The following BAIAP2L1 variants were observed in gnomAD, a reference collection of about 807,000 sequenced individuals.
The protein encoded by BAIAP2L1 is BAR/IMD domain containing adaptor protein 2 like 1.
In BAIAP2L1, 35 loss-of-function variants were observed where a neutral mutation model predicts 66.3. The observed-to-expected ratio is 0.53, with a 90% CI of 0.40 to 0.70. The LOEUF (loss-of-function observed/expected upper bound fraction) is 0.70. Among genes scored for constraint, BAIAP2L1 ranks in the 30% least tolerant of loss-of-function variants. The probability of loss-of-function intolerance (pLI) is 0.00; values close to 1 mark genes in which losing one functional copy is unlikely to be tolerated. For synonymous variants in BAIAP2L1, 269 were observed against 248.7 expected (o/e 1.08, Z -0.77); for missense variants, 622 against 656.9 (o/e 0.95, Z 0.58).
At chr7:98,366,728 G>A (rs1227751930) in intron 1 of BAIAP2L1, among the ~76,000 whole-genome samples, 2 of 152,174 alleles carry the variant, frequency 1.3e-5, no homozygotes, top group South Asian at 4.1e-4. Flanking sequence ...GCAGTCAGGT[G>A]CTTGGCACCT....
intron 8 of BAIAP2L1, among the ~76,000 whole-genome samples, chr7:98,311,745 A>C (rs1309714012): frequency 4.0e-5 from 6 of 151,868 alleles, no homozygotes. Context: ...GTCTCTACTA[A>C]TAATACAAAA....
At chr7:98,357,046 TATA>T (rs540365131) in intron 2 of BAIAP2L1, among the ~76,000 whole-genome samples, 3 of 12,616 alleles carry the variant, frequency 2.4e-4, no homozygotes, top group African/African-American at 5.3e-4. Context: ...TATATATATA[TATA>T]TTTTTTTTTT....
At chr7:98,387,117 T>C (rs1054149121) in intron 1 of BAIAP2L1, among the ~76,000 whole-genome samples, 17 of 152,104 alleles carry the variant, frequency 1.1e-4, no homozygotes, top group Non-Finnish European at 1.5e-5. Flanking sequence ...AGTCCAAATA[T>C]TGAAGTTGTA....
In BAIAP2L1 at chr7:98,303,434, C is replaced by T. The variant is rs73147347; in HGVS notation, c.1422+762G>A. Among the ~76,000 whole-genome samples, 978 of 152,328 alleles carry T rather than the reference C, an allele frequency of 6.4e-3. 10 individuals carry two copies. The highest frequency in any genetic ancestry group is 0.01 in the Non-Finnish European group (698 of 68,026). On this transcript the variant is annotated intron_variant, in intron 12 of 13. Transcript: ENST00000005260. The stretch of plus-strand genomic sequence containing the variant: ...CGCACTAACCTCAGCCAACCCAGCC[C>T]GGGAGTGATGTCCAGCCGCGCTGCT...
At chr7:98,306,552 G>A in intron 10 of BAIAP2L1, 36 bp from the exon 11 acceptor site, 1 of 1,614,048 alleles carries the variant, frequency 6.2e-7, no homozygotes, top group South Asian at 1.1e-5. Context: ...CCTATCAGCA[G>A]TAGACATGTG....
At chr7:98,387,844 G>A (rs1023632319) in intron 1 of BAIAP2L1, among the ~76,000 whole-genome samples, 1 of 151,848 alleles carries the variant, frequency 6.6e-6, no homozygotes, top group Non-Finnish European at 1.5e-5. Flanking sequence ...CTCCAGCCTG[G>A]GCGACAGAGT....
intron 3 of BAIAP2L1, among the ~76,000 whole-genome samples, chr7:98,340,010 T>TA (rs1392916920): frequency 2.0e-5 from 3 of 152,178 alleles, no homozygotes; most frequent in Non-Finnish European, 4.4e-5. Flanking sequence ...CAGGGACACT[T>TA]ACGCTGTCTC....
At chr7:98,393,083 A>G (rs1254676831) in intron 1 of BAIAP2L1, among the ~76,000 whole-genome samples, 1 of 104,830 alleles carries the variant, frequency 9.5e-6, no homozygotes, top group African/African-American at 5.6e-5. Flanking sequence ...ATACACACAC[A>G]TATATACATA....
intron 1 of BAIAP2L1, among the ~76,000 whole-genome samples, chr7:98,395,025 C>T (rs1335565596): frequency 1.3e-5 from 2 of 151,918 alleles, no homozygotes; most frequent in Admixed American, 6.6e-5. Flanking sequence ...ACAGGAGAAT[C>T]GCTTGAACCC....
At chr7:98,294,504 C>A (rs984065155) in intron 12 of BAIAP2L1, among the ~76,000 whole-genome samples, 35 of 152,136 alleles carry the variant, frequency 2.3e-4, no homozygotes, top group Admixed American at 1.8e-3. Flanking sequence ...CCCGTGATGT[C>A]GGGAGCTCAC....
intron 1 of BAIAP2L1, among the ~76,000 whole-genome samples, chr7:98,365,299 G>A (rs1399339399): frequency 2.0e-5 from 3 of 152,118 alleles, no homozygotes; most frequent in African/African-American, 7.2e-5. Context: ...GAACTCTGAT[G>A]AAGATTTTAT....
rs550950934 is a variant in BAIAP2L1, at chr7:98,346,866, A to G, written c.214+8176T>C. On this transcript the variant is annotated intron_variant, in intron 3 of 13. Coordinates refer to ENST00000005260, the MANE Select transcript of BAIAP2L1 (RefSeq NM_018842.5). ...GAAACAGCTGACTGGAAATGCTGAC[A>G]CTGTTGGCCTTTGTGGCACTGGATG... 2.6e-5 allele frequency among the ~76,000 whole-genome samples: 4 copies of G among 152,330 alleles called. No individual in the cohort carries two copies. In the East Asian group the frequency reaches 7.7e-4, roughly 29 times the overall value.
intron 3 of BAIAP2L1, among the ~76,000 whole-genome samples, chr7:98,346,241 C>A (rs1190809908): frequency 6.6e-6 from 1 of 152,008 alleles, no homozygotes; most frequent in Non-Finnish European, 1.5e-5. Flanking sequence ...TCAATGGAAC[C>A]AGCAGTTAGG....
chr7:98,321,045 G>T (rs1425876035), intron 3 of BAIAP2L1, among the ~76,000 whole-genome samples: 1 of 151,982 alleles, frequency 6.6e-6, no homozygotes, highest in Non-Finnish European at 1.5e-5. Context: ...ATTTTGTGGG[G>T]AGGGTTTTTC....
chr7:98,380,180 C>T (rs186431503), intron 1 of BAIAP2L1, among the ~76,000 whole-genome samples: 5 of 151,564 alleles, frequency 3.3e-5, no homozygotes, highest in East Asian at 1.9e-4. Flanking sequence ...CAGACTCAAG[C>T]GATCCTTCTG....
In BAIAP2L1 at chr7:98,292,267, G is replaced by A. The variant is rs1264626271; in HGVS notation, c.*1254C>T. On this transcript the variant is annotated 3_prime_UTR_variant, in exon 14 of 14. Coordinates refer to ENST00000005260, the MANE Select transcript of BAIAP2L1 (RefSeq NM_018842.5). ...CAGCAACACACACGGTGAGCGGCCG[G>A]GCTGGAGTGCAGCAGCATGATCTGG... 2 of 276,482 alleles carry A rather than the reference G, an allele frequency of 7.2e-6. No individual in the cohort carries two copies. Among genetic ancestry groups the A allele is most frequent in the Non-Finnish European group, 7.1e-6 (1 of 140,986 alleles). 17.1% of individuals were successfully genotyped at this position (276,482 alleles called of 1,614,324 possible). A position where few individuals can be genotyped will look rare whatever the true frequency, so the allele number is the denominator to read the frequency against.
chr7:98,400,790 C>T lies in BAIAP2L1; in HGVS notation c.51+12G>A, dbSNP rs766867306. On this transcript the variant is annotated intron_variant, in intron 1 of 13. Transcript: ENST00000005260. Reference sequence around the variant, plus strand: ...AGCCCTGACCTCCCTGAGCCCCGGGCCCTGGGCTTACCCGGTAGGTGCTCT... The same window carrying T: ...AGCCCTGACCTCCCTGAGCCCCGGGTCCTGGGCTTACCCGGTAGGTGCTCT... The T allele has an allele frequency of 1.3e-6, 2 of 1,549,196 alleles. No individual in the cohort carries two copies. Among genetic ancestry groups the T allele is most frequent in the Non-Finnish European group, 8.7e-7 (1 of 1,146,248 alleles).
rs1800006860 is a variant in BAIAP2L1, at chr7:98,292,451, G to A, written c.*1070C>T. 1.7e-6 allele frequency: 1 copy of A among 603,824 alleles called. No individual in the cohort carries two copies. The highest frequency in any genetic ancestry group is 3.0e-5 in the Admixed American group (1 of 33,310). 37.4% of individuals were successfully genotyped at this position (603,824 alleles called of 1,614,324 possible). On this transcript the variant is annotated 3_prime_UTR_variant, in exon 14 of 14. Transcript: ENST00000005260. ...GGCCTCACAAAATGCTGGGATTCCC[G>A]TACCTGGGCCGGGCTGGGAATTTTA...
intron 1 of BAIAP2L1, among the ~76,000 whole-genome samples, chr7:98,394,591 G>A (rs1160667652): frequency 1.3e-5 from 2 of 152,190 alleles, no homozygotes; most frequent in South Asian, 4.1e-4. Flanking sequence ...GCAGCAGCTG[G>A]CAAGGATGAA....
Sources: gnomAD v4.1 joint callset for allele counts (sites outside exome capture counted in the v4.1 genomes callset) on GRCh38, gnomAD v4.1.1 for gene constraint, MANE v1.5 for transcripts, NCBI Gene and HGNC (gene_info 2026-07-23, HGNC 2026-07-21) for gene names.